KCNV2: variants seen among roughly 807,000 people sequenced by gnomAD.
KCNV2 encodes the protein potassium voltage-gated channel modifier subfamily V member 2.
KCNV2 carries 65 observed loss-of-function variants against 37.0 expected under a neutral mutation model. The ratio of observed to expected loss-of-function variants is 1.76; its 90% CI spans 1.44 to 2.16. KCNV2 has a LOEUF of 2.16. Ranked by LOEUF, KCNV2 falls within the 30% of genes most tolerant of loss-of-function variation. The pLI, the probability that KCNV2 is intolerant of heterozygous loss-of-function variation, is 0.00. For missense variants in KCNV2, 1,232 were observed against 766.7 expected (o/e 1.61, Z -7.17); for synonymous variants, 518 against 328.6 (o/e 1.58, Z -6.23).
rs372007584 is a variant in KCNV2, at chr9:2,718,393, C to T, written c.654C>T (p.His218=). The change falls in exon 1 of 2, where the codon CAC becomes CAT. Residue 218 remains histidine (H), a synonymous_variant. Coordinates refer to ENST00000382082, the MANE Select transcript of KCNV2 (RefSeq NM_133497.4). The stretch of plus-strand genomic sequence containing the variant: ...TGAGCGAACGGCTCAAGATCCAGCA[C>T]GAGCTGCGCGCGCAGGCGCAGGTCG... ...DELSERLKIQ[H]ELRAQAQVEE... 1.6e-4 allele frequency: 260 copies of T among 1,601,178 alleles called. 1 individual carries two copies. The African/African-American group carries it at 2.9e-3, about 18-fold the overall frequency.
Position 2,717,999 on chromosome 9 carries a change from A to C in KCNV2, c.260A>C (p.Glu87Ala). 1 of 1,614,020 alleles carries C rather than the reference A, an allele frequency of 6.2e-7. No homozygotes were observed. Among genetic ancestry groups the C allele is most frequent in the Non-Finnish European group, 8.5e-7 (1 of 1,179,956 alleles). ...GGGGAGGTCACCACCGCCAAGCCCG[A>C]GGGCCCCAGCGACCCTCCGGCCCTG... ...QAGEVTTAKP[E>A]GPSDPPALLS... Residue 87 changes from glutamate to alanine, a missense_variant, in exon 1 of 2, where the codon GAG becomes GCG. Coordinates refer to ENST00000382082, the MANE Select transcript of KCNV2 (RefSeq NM_133497.4).
chr9:2,726,753 C>A (rs571592801), intron 1 of KCNV2, among the ~76,000 whole-genome samples: 1 of 152,120 alleles, frequency 6.6e-6, no homozygotes, highest in Non-Finnish European at 1.5e-5. Context: ...AGGAACCCGG[C>A]CACACAGCAG....
intron 1 of KCNV2, among the ~76,000 whole-genome samples, chr9:2,719,785 T>C (rs1819830766): frequency 6.6e-6 from 1 of 152,254 alleles, no homozygotes; most frequent in Admixed American, 6.5e-5. Flanking sequence ...CCTGTCCATC[T>C]CCAAACTCCA....
rs12237048 is a variant in KCNV2 at position 2,718,534 on chromosome 9, C to G, written c.795C>G (p.Ala265=). The stretch of plus-strand genomic sequence containing the variant: ...TGGCCGCCAAGGCCATCGGGGTGGC[C>G]TCCAGCACCTTCGTGCTCGTCTCCG... ...SSVAAKAIGV[A]SSTFVLVSVV... is the part of the protein sequence containing the mutation. The change falls in exon 1 of 2, where the codon GCC becomes GCG. Residue 265 remains alanine (A), a synonymous_variant. Coordinates refer to ENST00000382082, the MANE Select transcript of KCNV2 (RefSeq NM_133497.4). 753,318 of 1,610,066 alleles carry G rather than the reference C, an allele frequency of 0.47. 179,822 individuals are homozygous for G. The highest frequency in any genetic ancestry group is 0.73 in the East Asian group (32,666 of 44,706).
At position 2,718,033 on chromosome 9, in the gene KCNV2, G is replaced by A. The variant is rs1469817472; in HGVS notation, c.294G>A (p.Thr98=). 6.8e-6 allele frequency: 11 copies of A among 1,611,832 alleles called. No homozygotes were observed. Among genetic ancestry groups the A allele is most frequent in the African/African-American group, 1.3e-5 (1 of 74,920 alleles). ...GPSDPPALLS[T]LNVNVGGHSY... is the part of the protein sequence containing the mutation. The stretch of plus-strand genomic sequence containing the variant: ...GCGACCCTCCGGCCCTGCTGTCCAC[G>A]CTGAATGTGAACGTGGGTGGCCACA... The change falls in exon 1 of 2, where the codon ACG becomes ACA. Residue 98 remains threonine (T), a synonymous_variant. Transcript: ENST00000382082.
intron 1 of KCNV2, among the ~76,000 whole-genome samples, chr9:2,726,751 G>A (rs758109247): frequency 2.6e-5 from 4 of 152,064 alleles, no homozygotes; most frequent in South Asian, 2.1e-4. Flanking sequence ...TTAGGAACCC[G>A]GCCACACAGC....
intron 1 of KCNV2, among the ~76,000 whole-genome samples, chr9:2,728,318 CT>C (rs1298269951): frequency 6.6e-6 from 1 of 152,162 alleles, no homozygotes; most frequent in Non-Finnish European, 1.5e-5. Context: ...GAGTGCCCCC[CT>C]GGAGTAGTGC....
chr9:2,718,774 G>T lies in KCNV2; in HGVS notation c.1035G>T (p.Pro345=), dbSNP rs747113494. ...TGGTGGACCTGGTGGCCATCCTGCC[G>T]CTCTACCTTCAGCTGCTGCTCGAGT... is the stretch of plus-strand genomic sequence containing the variant. ...LNLVDLVAIL[P]LYLQLLLECF... The change falls in exon 1 of 2, where the codon CCG becomes CCT. Residue 345 remains proline (P), a synonymous_variant. Coordinates refer to ENST00000382082, the MANE Select transcript of KCNV2 (RefSeq NM_133497.4). 4 of 1,611,078 alleles carry T rather than the reference G, an allele frequency of 2.5e-6. No homozygotes were observed. Among genetic ancestry groups the T allele is most frequent in the Non-Finnish European group, 3.4e-6 (4 of 1,179,898 alleles).
intron 1 of KCNV2, among the ~76,000 whole-genome samples, chr9:2,721,349 T>G (rs2130863545): frequency 6.6e-6 from 1 of 152,338 alleles, no homozygotes; most frequent in East Asian, 1.9e-4. Context: ...TTGAATATTC[T>G]AAGACCGCTC....
At chr9:2,719,532 T>C (rs1191186257) in intron 1 of KCNV2, among the ~76,000 whole-genome samples, 1 of 152,040 alleles carries the variant, frequency 6.6e-6, no homozygotes, top group Non-Finnish European at 1.5e-5. Context: ...TGTAGATTTA[T>C]ACAGAGAAGG....
At chr9:2,727,749 C>A (rs1324384444) in intron 1 of KCNV2, among the ~76,000 whole-genome samples, 1 of 152,154 alleles carries the variant, frequency 6.6e-6, no homozygotes. Flanking sequence ...CTTACACACC[C>A]TGTGCCAGGC....
intron 1 of KCNV2, among the ~76,000 whole-genome samples, chr9:2,725,712 T>G (rs1819958729): frequency 6.6e-6 from 1 of 152,170 alleles, no homozygotes; most frequent in Admixed American, 6.5e-5. Context: ...AGAGTGTTAT[T>G]TTGAAAAATA....
rs925728220 is a variant in KCNV2 at position 2,719,231 on chromosome 9, C to T, written c.1356+136C>T. 5.4e-6 allele frequency: 5 copies of T among 929,542 alleles called. No individual in the cohort carries two copies. The Admixed American group carries it at 6.3e-5, about 12-fold the overall frequency. 57.6% of individuals were successfully genotyped at this position (929,542 alleles called of 1,614,324 possible). On this transcript the variant is annotated intron_variant, in intron 1 of 1. Coordinates refer to ENST00000382082, the MANE Select transcript of KCNV2 (RefSeq NM_133497.4). ...CCCCACCCCCAATCGCCGCATACAG[C>T]TAACAAAACGGCGATGGATGTCAAA...
chr9:2,723,527 C>G (rs867301844), intron 1 of KCNV2, among the ~76,000 whole-genome samples: 51 of 152,132 alleles, frequency 3.4e-4, no homozygotes, highest in African/African-American at 1.1e-3. Flanking sequence ...TAGGATAGAC[C>G]TGTCTTTTTC....
intron 1 of KCNV2, among the ~76,000 whole-genome samples, chr9:2,722,440 TAAGTTATTTATAAATAG>T (rs1393071566): frequency 4.3e-5 from 6 of 138,254 alleles, no homozygotes; most frequent in African/African-American, 8.3e-5. Flanking sequence ...TATTTATAAA[TAAGTTATTTATAAATAG>T]AAGTTATTTA....
chr9:2,717,897 A>G lies in KCNV2; in HGVS notation c.158A>G (p.Tyr53Cys), dbSNP rs1191350661. The G allele has an allele frequency of 6.2e-7, 1 of 1,614,140 alleles. No individual in the cohort carries two copies. The highest frequency in any genetic ancestry group is 2.2e-5 in the East Asian group (1 of 44,878). Residue 53 changes from tyrosine to cysteine, a missense_variant, in exon 1 of 2, where the codon TAC becomes TGC. Physicochemically the swap from Tyr to Cys is radical, Grantham distance 194 (BLOSUM62 -2). Transcript: ENST00000382082. ...IHGWTEGNYNYYIEEDEDGEE... is the reference protein window; with the variant it reads ...IHGWTEGNYNCYIEEDEDGEE... ...GGCTGGACAGAGGGCAACTATAACTACTACATCGAGGAAGACGAAGACGGC... is the reference window on the plus strand; with the variant it reads ...GGCTGGACAGAGGGCAACTATAACTGCTACATCGAGGAAGACGAAGACGGC...
intron 1 of KCNV2, among the ~76,000 whole-genome samples, chr9:2,721,258 A>T (rs1363739041): frequency 1.3e-5 from 2 of 152,184 alleles, no homozygotes; most frequent in African/African-American, 2.4e-5. Flanking sequence ...TACCAGTAAA[A>T]TTCGTTACAA....
Position 2,718,257 on chromosome 9 carries a change from T to C in KCNV2, c.518T>C (p.Leu173Pro). 3 of 1,612,996 alleles carry C rather than the reference T, an allele frequency of 1.9e-6. No homozygotes were observed. Among genetic ancestry groups the C allele is most frequent in the African/African-American group, 1.3e-5 (1 of 75,050 alleles). Residue 173 changes from leucine (L) to proline (P), a missense_variant, in exon 1 of 2, where the codon CTC (leucine) becomes CCC (proline). Transcript: ENST00000382082. ...NFYLSGVLLV[L>P]DGLCPRRFLE... Reference sequence around the variant, plus strand: ...TACCTGTCCGGGGTGCTGCTGGTGCTCGACGGGCTGTGTCCGCGCCGCTTC... The same window carrying C: ...TACCTGTCCGGGGTGCTGCTGGTGCCCGACGGGCTGTGTCCGCGCCGCTTC...
chr9:2,717,970 G>A lies in KCNV2; in HGVS notation c.231G>A (p.Gln77=), dbSNP rs1417069678. 2 of 1,614,170 alleles carry A rather than the reference G, an allele frequency of 1.2e-6. No homozygotes were observed. Among genetic ancestry groups the A allele is most frequent in the Non-Finnish European group, 1.7e-6 (2 of 1,180,032 alleles). ...ACGACCTGGCAGAAGAGGACCAGCAGGCAGGGGAGGTCACCACCGCCAAGC... is the reference window on the plus strand; with the variant it reads ...ACGACCTGGCAGAAGAGGACCAGCAAGCAGGGGAGGTCACCACCGCCAAGC... ...WKDDLAEEDQ[Q]AGEVTTAKPE... Residue 77 remains glutamine (Q), a synonymous_variant, in exon 1 of 2, where the codon CAG becomes CAA. Coordinates refer to ENST00000382082, the MANE Select transcript of KCNV2 (RefSeq NM_133497.4).
Sources: gnomAD v4.1 joint callset for allele counts (sites outside exome capture counted in the v4.1 genomes callset) on GRCh38, gnomAD v4.1.1 for gene constraint, MANE v1.5 for transcripts, NCBI Gene and HGNC (gene_info 2026-07-23, HGNC 2026-07-21) for gene names.